HPSE2: variants seen among roughly 807,000 people sequenced by gnomAD.
HPSE2 encodes heparanase 2 (inactive).
In HPSE2, 38 loss-of-function variants were observed where a neutral mutation model predicts 60.5. The observed-to-expected ratio is 0.63, with a 90% CI of 0.48 to 0.82. The LOEUF (loss-of-function observed/expected upper bound fraction) is 0.82, where lower values mean the gene tolerates loss of function less well. Among genes scored for constraint, HPSE2 ranks in the 40% least tolerant of loss-of-function variants. The probability of loss-of-function intolerance (pLI) is 0.00; values close to 1 mark genes in which losing one functional copy is unlikely to be tolerated. For missense variants in HPSE2, 713 were observed against 740.4 expected (o/e 0.96, Z 0.43); for synonymous variants, 295 against 293.2 (o/e 1.01, Z -0.06).
At chr10:98,821,557 A>T (rs552646012) in intron 3 of HPSE2, among the ~76,000 whole-genome samples, 1 of 152,290 alleles carries the variant, frequency 6.6e-6, no homozygotes, top group African/African-American at 2.4e-5. Context: ...GCTGATGGCT[A>T]CTTCAGCCCA....
At chr10:99,132,279 A>G (rs1455202326) in intron 3 of HPSE2, among the ~76,000 whole-genome samples, 1 of 146,846 alleles carries the variant, frequency 6.8e-6, no homozygotes, top group South Asian at 2.2e-4. Flanking sequence ...AAGAAAGAAA[A>G]GAAATTACCA....
chr10:99,095,568 C>T (rs1249057074), intron 3 of HPSE2, among the ~76,000 whole-genome samples: 2 of 152,174 alleles, frequency 1.3e-5, no homozygotes, highest in African/African-American at 4.8e-5. Context: ...TCAAAGCCTC[C>T]AGTTCTAGTT....
intron 3 of HPSE2, among the ~76,000 whole-genome samples, chr10:98,889,378 T>C (rs200367896): frequency 6.6e-6 from 1 of 151,136 alleles, no homozygotes; most frequent in African/African-American, 2.4e-5. Context: ...TTTTTTTTTT[T>C]GTATTTTCAG....
At chr10:98,816,266 T>A (rs1951287943) in intron 3 of HPSE2, among the ~76,000 whole-genome samples, 1 of 152,030 alleles carries the variant, frequency 6.6e-6, no homozygotes, top group South Asian at 2.1e-4. Context: ...GTTTTTTGTT[T>A]TTTTGTTTGT....
chr10:99,206,600 T>C (rs1450753480), intron 2 of HPSE2, among the ~76,000 whole-genome samples: 1 of 150,134 alleles, frequency 6.7e-6, no homozygotes, highest in Non-Finnish European at 1.5e-5. Context: ...TGTGAATGCA[T>C]GGCAAATTGG....
chr10:98,929,179 C>G (rs138225851), intron 3 of HPSE2, among the ~76,000 whole-genome samples: 2 of 143,122 alleles, frequency 1.4e-5, no homozygotes, highest in African/African-American at 2.9e-5. Flanking sequence ...GCACAAATAG[C>G]AGGCACAAAG....
chr10:98,492,879 T>C (rs1405353628), intron 9 of HPSE2, among the ~76,000 whole-genome samples: 1 of 152,240 alleles, frequency 6.6e-6, no homozygotes, highest in Non-Finnish European at 1.5e-5. Context: ...TTCAGTGGTA[T>C]TATGTAAATT....
At chr10:98,506,576 T>C (rs1942207493) in intron 9 of HPSE2, among the ~76,000 whole-genome samples, 1 of 151,998 alleles carries the variant, frequency 6.6e-6, no homozygotes, top group African/African-American at 2.4e-5. Context: ...GTTCCCCCAG[T>C]CTCACAAGTA....
chr10:99,006,897 T>C (rs1277900793), intron 3 of HPSE2, among the ~76,000 whole-genome samples: 1 of 152,092 alleles, frequency 6.6e-6, no homozygotes, highest in South Asian at 2.1e-4. Context: ...AGGGTGGGCT[T>C]GGAAGCTCAA....
chr10:98,644,032 C>A (rs971434506), intron 6 of HPSE2, among the ~76,000 whole-genome samples: 2 of 152,120 alleles, frequency 1.3e-5, no homozygotes, highest in African/African-American at 4.8e-5. Context: ...TGTAATTTTT[C>A]AGTAGGTAGG....
intron 9 of HPSE2, among the ~76,000 whole-genome samples, chr10:98,521,747 A>C (rs1319585305): frequency 6.6e-6 from 1 of 152,246 alleles, no homozygotes; most frequent in Non-Finnish European, 1.5e-5. Flanking sequence ...ATGTCCATCA[A>C]TGATAGACTG....
chr10:98,690,584 T>C (rs527682387), intron 6 of HPSE2, among the ~76,000 whole-genome samples: 1 of 152,086 alleles, frequency 6.6e-6, no homozygotes, highest in South Asian at 2.1e-4. Flanking sequence ...AGTGAAAAAG[T>C]CAAATAAAAG....
intron 3 of HPSE2, among the ~76,000 whole-genome samples, chr10:98,788,909 G>C (rs773868225): frequency 3.3e-5 from 5 of 152,054 alleles, no homozygotes; most frequent in South Asian, 2.1e-4. Flanking sequence ...CGTCTTCTGC[G>C]TCGCTCACGC....
At chr10:98,644,840 G>A (rs1174213966) in intron 6 of HPSE2, among the ~76,000 whole-genome samples, 1 of 152,116 alleles carries the variant, frequency 6.6e-6, no homozygotes, top group Non-Finnish European at 1.5e-5. Context: ...GCCTATTCTT[G>A]TCCCCAGTTT....
intron 3 of HPSE2, among the ~76,000 whole-genome samples, chr10:99,002,930 C>A (rs1956809042): frequency 6.6e-6 from 1 of 151,944 alleles, no homozygotes; most frequent in African/African-American, 2.4e-5. Context: ...ATTGTTATTA[C>A]CTACAGTTAA....
At chr10:98,686,835 A>G (rs1490827986) in intron 6 of HPSE2, among the ~76,000 whole-genome samples, 2 of 152,180 alleles carry the variant, frequency 1.3e-5, no homozygotes, top group Non-Finnish European at 2.9e-5. Flanking sequence ...GACTTGTTTT[A>G]CAGTTGAGCA....
At chr10:98,838,128 T>C (rs1397906099) in intron 3 of HPSE2, among the ~76,000 whole-genome samples, 3 of 152,150 alleles carry the variant, frequency 2.0e-5, no homozygotes, top group African/African-American at 7.2e-5. Flanking sequence ...CTCTCTAATC[T>C]CCTATAGTGG....
intron 6 of HPSE2, among the ~76,000 whole-genome samples, chr10:98,676,691 T>C (rs1473670131): frequency 6.6e-6 from 1 of 152,160 alleles, no homozygotes; most frequent in East Asian, 1.9e-4. Context: ...AGGGGGTCAC[T>C]ATGAGGGGAC....
chr10:98,490,592 G>T (rs184889139), intron 9 of HPSE2, among the ~76,000 whole-genome samples: 1 of 152,184 alleles, frequency 6.6e-6, no homozygotes, highest in East Asian at 1.9e-4. Context: ...ATTATGGAAT[G>T]GATTATTTCC....
Sources: gnomAD v4.1 joint callset for allele counts (sites outside exome capture counted in the v4.1 genomes callset) on GRCh38, gnomAD v4.1.1 for gene constraint, MANE v1.5 for transcripts, NCBI Gene and HGNC (gene_info 2026-07-23, HGNC 2026-07-21) for gene names.